The following ARHGAP15 variants were observed in gnomAD, a reference collection of about 807,000 sequenced individuals.
The protein encoded by ARHGAP15 is rho GTPase-activating protein 15.
A neutral mutation model predicts 63.7 loss-of-function variants in ARHGAP15; 51 were observed. The ratio of observed to expected loss-of-function variants is 0.80; its 90% CI spans 0.64 to 1.01. The LOEUF (loss-of-function observed/expected upper bound fraction) is 1.01. ARHGAP15 is among the 50% of genes least tolerant of loss of function. ARHGAP15 has a pLI of 0.00. For synonymous variants in ARHGAP15, 191 were observed against 193.8 expected (o/e 0.99, Z 0.12); for missense variants, 560 against 564.6 (o/e 0.99, Z 0.08).
intron 11 of ARHGAP15, among the ~76,000 whole-genome samples, chr2:143,600,146 A>G (rs747029187): frequency 2.0e-5 from 3 of 152,178 alleles, no homozygotes; most frequent in African/African-American, 7.2e-5. Flanking sequence ...TGATTTGGCT[A>G]TATTTTCAAA....
intron 6 of ARHGAP15, among the ~76,000 whole-genome samples, chr2:143,333,074 C>T (rs4662322): frequency 0.98 from 149,742 of 152,198 alleles, 73,719 homozygotes; most frequent in Middle Eastern, 1. Context: ...CCTGACCAGA[C>T]ATATTCTATA....
chr2:143,470,570 AGT>A (rs996972025), intron 8 of ARHGAP15, among the ~76,000 whole-genome samples: 9 of 149,982 alleles, frequency 6.0e-5, no homozygotes, highest in East Asian at 3.9e-4. Flanking sequence ...GCATAAAAGT[AGT>A]GTGTGTGTGT....
intron 11 of ARHGAP15, among the ~76,000 whole-genome samples, chr2:143,580,202 A>C (rs1696840299): frequency 6.6e-6 from 1 of 151,874 alleles, no homozygotes; most frequent in African/African-American, 2.4e-5. Flanking sequence ...AGGTGAAAGA[A>C]GTTGTCCCAA....
chr2:143,369,516 T>A (rs985261701), intron 6 of ARHGAP15, among the ~76,000 whole-genome samples: 2 of 152,106 alleles, frequency 1.3e-5, no homozygotes, highest in African/African-American at 4.8e-5. Flanking sequence ...ATTAAAAGAT[T>A]ATAATTTTGA....
chr2:143,358,320 C>T (rs1246726419), intron 6 of ARHGAP15, among the ~76,000 whole-genome samples: 1 of 152,140 alleles, frequency 6.6e-6, no homozygotes, highest in African/African-American at 2.4e-5. Context: ...TCAGAAATTT[C>T]AAATGCTTAA....
intron 13 of ARHGAP15, among the ~76,000 whole-genome samples, chr2:143,762,601 C>G (rs1559165491): frequency 6.6e-6 from 1 of 152,086 alleles, no homozygotes; most frequent in African/African-American, 2.4e-5. Context: ...ACACATAGAA[C>G]AGCATTTCTT....
intron 6 of ARHGAP15, among the ~76,000 whole-genome samples, chr2:143,250,846 T>A (rs760924362): frequency 5.9e-5 from 9 of 152,040 alleles, no homozygotes; most frequent in Non-Finnish European, 1.0e-4. Context: ...ACAAAAGTCA[T>A]TGAAGTTTGC....
chr2:143,446,770 C>A, intron 8 of ARHGAP15, among the ~76,000 whole-genome samples: 1 of 120,110 alleles, frequency 8.3e-6, no homozygotes. Flanking sequence ...CAATGCTATC[C>A]CTCCCCCCTC....
At chr2:143,189,351 G>C (rs1691585107) in intron 2 of ARHGAP15, among the ~76,000 whole-genome samples, 1 of 152,024 alleles carries the variant, frequency 6.6e-6, no homozygotes, top group Non-Finnish European at 1.5e-5. Flanking sequence ...AGCTCTTTCA[G>C]TCAGAGGCTC....
intron 12 of ARHGAP15, among the ~76,000 whole-genome samples, chr2:143,681,330 T>C (rs1219451225): frequency 6.6e-6 from 1 of 152,188 alleles, no homozygotes; most frequent in Non-Finnish European, 1.5e-5. Context: ...TATGTTAATT[T>C]AGTAGCGTAT....
chr2:143,708,304 A>G (rs1363215928), intron 13 of ARHGAP15, among the ~76,000 whole-genome samples: 8 of 152,236 alleles, frequency 5.3e-5, no homozygotes, highest in Non-Finnish European at 1.2e-4. Context: ...TATTACATGT[A>G]TTATTATTAC....
intron 2 of ARHGAP15, among the ~76,000 whole-genome samples, chr2:143,185,670 G>A (rs1691417990): frequency 6.6e-6 from 1 of 152,034 alleles, no homozygotes; most frequent in Non-Finnish European, 1.5e-5. Context: ...CATGTACTAT[G>A]GTATCAATCA....
intron 6 of ARHGAP15, among the ~76,000 whole-genome samples, chr2:143,367,372 G>A (rs371303450): frequency 4.3e-4 from 65 of 151,744 alleles, no homozygotes; most frequent in Middle Eastern, 6.8e-3. Context: ...CTCTTTATTT[G>A]CCATCTTTCC....
chr2:143,622,020 T>TTTG, intron 11 of ARHGAP15, among the ~76,000 whole-genome samples: 1 of 149,258 alleles, frequency 6.7e-6, no homozygotes, highest in South Asian at 2.2e-4. Flanking sequence ...GTGTGTGTGT[T>TTTG]TGTGTGTGTG....
chr2:143,369,979 C>T (rs1686470884), intron 6 of ARHGAP15, among the ~76,000 whole-genome samples: 1 of 152,132 alleles, frequency 6.6e-6, no homozygotes. Flanking sequence ...CGCATGCTCA[C>T]TTCCACTGAA....
rs548618159 is a variant in ARHGAP15 at position 143,151,789 on chromosome 2, CA to C, written c.-14-3684del. ...AAAGAAAGGGCTCTAAGTGGGACCC[CA>C]AAACAACTTGCAAAATATGGCCTAG... is the stretch of plus-strand genomic sequence containing the variant. On this transcript the variant is annotated intron_variant, in intron 1 of 13. Coordinates refer to ENST00000295095, the MANE Select transcript of ARHGAP15 (RefSeq NM_018460.4). 6.3e-4 allele frequency among the ~76,000 whole-genome samples: 95 copies of C among 151,828 alleles called. 2 individuals are homozygous for C. Among genetic ancestry groups the C allele is most frequent in the African/African-American group, 2.1e-3 (88 of 41,448 alleles).
At chr2:143,188,818 G>A (rs1691553335) in intron 2 of ARHGAP15, among the ~76,000 whole-genome samples, 1 of 151,800 alleles carries the variant, frequency 6.6e-6, no homozygotes, top group Non-Finnish European at 1.5e-5. Flanking sequence ...TAGAGATGGG[G>A]TTTCATCATA....
chr2:143,484,799 A>G (rs981681411), intron 8 of ARHGAP15, among the ~76,000 whole-genome samples: 10 of 152,356 alleles, frequency 6.6e-5, no homozygotes, highest in Non-Finnish European at 1.3e-4. Context: ...TCATTTCAAC[A>G]TATGGCTCAA....
At chr2:143,156,184 T>C (rs1690070649) in intron 2 of ARHGAP15, among the ~76,000 whole-genome samples, 1 of 151,916 alleles carries the variant, frequency 6.6e-6, no homozygotes, top group Non-Finnish European at 1.5e-5. Context: ...GAAGCCATTT[T>C]GTCTCGATAA....
Sources: allele counts gnomAD v4.1 joint callset (sites outside exome capture counted in the v4.1 genomes callset), GRCh38; gene constraint gnomAD v4.1.1; transcripts MANE v1.5; gene names NCBI Gene and HGNC (gene_info 2026-07-23, HGNC 2026-07-21).